Variants in TPR observed in about 807,000 individuals in gnomAD.
TPR encodes nucleoprotein TPR.
A neutral mutation model predicts 316.1 loss-of-function variants in TPR; 51 were observed. That is an observed-to-expected ratio of 0.16 (90% CI 0.13 to 0.20). TPR has a LOEUF of 0.20. Among genes scored for constraint, TPR ranks in the 10% least tolerant of loss-of-function variants. The pLI, the probability that TPR is intolerant of heterozygous loss-of-function variation, is 1.00. For missense variants in TPR, 2,272 were observed against 2,754.8 expected (o/e 0.82, Z 3.92); for synonymous variants, 981 against 914.7 (o/e 1.07, Z -1.31).
chr1:186,335,311 G>C (rs1452389675), intron 34 of TPR, 27 bp downstream of exon 34: 1 of 1,606,652 alleles, frequency 6.2e-7, no homozygotes, highest in Non-Finnish European at 8.5e-7. Context: ...AAAACAATTT[G>C]TTACTTAAGC....
chr1:186,358,707 T>C (rs761457968), intron 12 of TPR, 57 bp from the exon 13 acceptor site: 12 of 1,416,308 alleles, frequency 8.5e-6, no homozygotes, highest in East Asian at 2.3e-5. Context: ...TTTATACAAG[T>C]AATAAAGACA....
intron 25 of TPR, 57 bp from the exon 26 acceptor site, chr1:186,344,147 C>G: frequency 6.4e-7 from 1 of 1,552,474 alleles, no homozygotes; most frequent in Non-Finnish European, 8.7e-7. Flanking sequence ...TTAAAAAAAA[C>G]AACTTGGCCA....
chr1:186,361,972 A>C, intron 7 of TPR, 103 bp from the exon 8 acceptor site: 2 of 1,042,792 alleles, frequency 1.9e-6, no homozygotes, highest in Non-Finnish European at 2.8e-6. Flanking sequence ...TAAGAGCTAA[A>C]TCTAAAACAC....
At chr1:186,339,470 G>A (rs545895671) in intron 30 of TPR, among the ~76,000 whole-genome samples, 172 bp downstream of exon 30, 2 of 152,058 alleles carry the variant, frequency 1.3e-5, no homozygotes, top group South Asian at 2.1e-4. Flanking sequence ...ATATACAAAG[G>A]CATAATATTA....
At position 186,333,397 on chromosome 1, in the gene TPR, G is replaced by GA. The variant is rs765092287; in HGVS notation, c.5183-4dup. ...CACAGGCCCTTCTGACTGCATAGCTGAAAAATAATTATAATGCTGAATATA... is the reference window on the plus strand; with the variant it reads ...CACAGGCCCTTCTGACTGCATAGCTGAAAAAATAATTATAATGCTGAATATA... On this transcript the variant is annotated splice_region_variant and splice_polypyrimidine_tract_variant and intron_variant, in intron 36 of 50. Coordinates refer to ENST00000367478, the MANE Select transcript of TPR (RefSeq NM_003292.3). The GA allele has an allele frequency of 6.2e-7, 1 of 1,612,294 alleles. No individual in the cohort carries two copies.
intron 36 of TPR, 81 bp from the exon 37 acceptor site, chr1:186,333,475 G>A: frequency 6.5e-7 from 1 of 1,528,902 alleles, no homozygotes; most frequent in East Asian, 2.3e-5. Flanking sequence ...TGTGGTACAT[G>A]TCACCTTTCA....
In TPR at chr1:186,344,074, C is replaced by T; in HGVS notation, c.3434G>A (p.Cys1145Tyr). The T allele has an allele frequency of 6.2e-7, 1 of 1,613,024 alleles. No homozygotes were observed. Among genetic ancestry groups the T allele is most frequent in the Non-Finnish European group, 8.5e-7 (1 of 1,179,670 alleles). ...CTCCAGATCTTCACAGCGACATACA[C>T]ATTTGGAAACTTCATCCTGCAAGCC... ...ERMLKDEVSK[C>Y]VCRCEDLEKQ... is the part of the protein sequence containing the mutation. Residue 1145 changes from cysteine to tyrosine, a missense_variant, in exon 26 of 51, where the codon TGT becomes TAT. This residue lies in a region of TPR where 757 missense variants were observed against 859.8 expected (regional missense o/e 0.88). Transcript: ENST00000367478.
Position 186,331,485 on chromosome 1 carries a change from T to G in TPR, c.5688+13A>C. 1.3e-6 allele frequency: 2 copies of G among 1,591,934 alleles called. No homozygotes were observed. Among genetic ancestry groups the G allele is most frequent in the Non-Finnish European group, 1.7e-6 (2 of 1,164,952 alleles). On this transcript the variant is annotated intron_variant, in intron 39 of 50. Transcript: ENST00000367478. ...AAGCAACGGTGTGGTACTTTAGGTATGTTTTTACTTACTTCTCCAATGGAA... is the reference window on the plus strand; with the variant it reads ...AAGCAACGGTGTGGTACTTTAGGTAGGTTTTTACTTACTTCTCCAATGGAA...
chr1:186,370,440 A>G (rs1441049678), intron 3 of TPR, among the ~76,000 whole-genome samples: 1 of 152,108 alleles, frequency 6.6e-6, no homozygotes, highest in Non-Finnish European at 1.5e-5. Flanking sequence ...TAGGTATACT[A>G]CGAGGCTTTT....
chr1:186,353,709 A>C lies in TPR; in HGVS notation c.2313T>G (p.Asn771Lys), dbSNP rs764662080. The C allele has an allele frequency of 6.2e-7, 1 of 1,613,942 alleles. No homozygotes were observed. The highest frequency in any genetic ancestry group is 2.2e-5 in the East Asian group (1 of 44,848). The change falls in exon 18 of 51, where the codon AAT (asparagine) becomes AAG (lysine). Residue 771 changes from asparagine to lysine, a missense_variant. By Grantham distance (94) the Asn-to-Lys change is moderately conservative. Coordinates refer to ENST00000367478, the MANE Select transcript of TPR (RefSeq NM_003292.3). ...NTMTQDLRGA[N>K]EKLAVAEVRA... Reference sequence around the variant, plus strand: ...TCACTTCTGCGACAGCTAGCTTCTCATTTGCTCCTCTCAAATCTTGAGTCA... The same window carrying C: ...TCACTTCTGCGACAGCTAGCTTCTCCTTTGCTCCTCTCAAATCTTGAGTCA...
intron 30 of TPR, among the ~76,000 whole-genome samples, chr1:186,339,335 CA>C (rs1658435902): frequency 6.7e-6 from 1 of 149,388 alleles, no homozygotes; most frequent in African/African-American, 2.5e-5. Context: ...ATAAGCTAAC[CA>C]AAAGAAAAAA....
chr1:186,314,054 A>C (rs571551898), intron 50 of TPR, 28 bp from the exon 51 acceptor site: 3 of 1,600,068 alleles, frequency 1.9e-6, no homozygotes, highest in Non-Finnish European at 2.6e-6. Flanking sequence ...ATCAAATTGA[A>C]TATATCTTTT....
chr1:186,338,312 T>A, intron 30 of TPR, 69 bp from the exon 31 acceptor site: 1 of 1,281,532 alleles, frequency 7.8e-7, no homozygotes, highest in Non-Finnish European at 1.1e-6. Context: ...AAGTCCAATG[T>A]AACTTTATGT....
At chr1:186,331,794 T>C (rs1477897695) in intron 38 of TPR, among the ~76,000 whole-genome samples, 1 of 152,110 alleles carries the variant, frequency 6.6e-6, no homozygotes, top group Non-Finnish European at 1.5e-5. Context: ...CTAATACAAT[T>C]AATTTAGTAG....
At chr1:186,371,071 T>C (rs1317905303) in intron 2 of TPR, 28 bp from the exon 3 acceptor site, 7 of 1,573,054 alleles carry the variant, frequency 4.4e-6, no homozygotes, top group Non-Finnish European at 6.1e-6. Context: ...TATGAATACA[T>C]ACACATTTGC....
chr1:186,331,565 T>C lies in TPR; in HGVS notation c.5621A>G (p.Glu1874Gly). The C allele has an allele frequency of 1.9e-6, 3 of 1,608,314 alleles. No individual in the cohort carries two copies. Among genetic ancestry groups the C allele is most frequent in the Non-Finnish European group, 2.5e-6 (3 of 1,177,088 alleles). The change falls in exon 39 of 51, where the codon GAA becomes GGA. Residue 1874 changes from glutamate (E) to glycine (G), a missense_variant. Glu to Gly is a moderately conservative substitution (Grantham distance 98). This residue lies in a region of TPR where 435 missense variants were observed against 461.1 expected (regional missense o/e 0.94). Coordinates refer to ENST00000367478, the MANE Select transcript of TPR (RefSeq NM_003292.3). ...PVGTEEEVMAEESTDGEVETQ... is the reference protein window; with the variant it reads ...PVGTEEEVMAGESTDGEVETQ... ...CTCTACCTCTCCATCAGTACTTTCT[T>C]CTGCCATAACTTCTTCCTGTATCAT...
chr1:186,346,512 T>C (rs1284808570), intron 22 of TPR, among the ~76,000 whole-genome samples: 12 of 152,196 alleles, frequency 7.9e-5, no homozygotes, highest in Non-Finnish European at 1.8e-4. Flanking sequence ...ATTTTTCTCT[T>C]TTGAAATGAA....
chr1:186,319,918 C>A (rs971255392), intron 46 of TPR, among the ~76,000 whole-genome samples: 1 of 152,188 alleles, frequency 6.6e-6, no homozygotes, highest in South Asian at 2.1e-4. Flanking sequence ...TAGCCTTATA[C>A]ATTTAATTAG....
Position 186,347,281 on chromosome 1 carries a change from A to G in TPR, c.2943+11T>C, listed in dbSNP as rs1462259993. 6.2e-7 allele frequency: 1 copy of G among 1,612,394 alleles called. No individual in the cohort carries two copies. The highest frequency in any genetic ancestry group is 1.3e-5 in the African/African-American group (1 of 74,886). ...GTTGAGATTGAATTCTGAATTCAGA[A>G]TTATACATACCTGTTTTTCCTTGTT... On this transcript the variant is annotated intron_variant, in intron 22 of 50. Coordinates refer to ENST00000367478, the MANE Select transcript of TPR (RefSeq NM_003292.3).
Sources: allele counts gnomAD v4.1 joint callset (sites outside exome capture counted in the v4.1 genomes callset), GRCh38; gene constraint gnomAD v4.1.1; regional missense constraint gnomAD v4.1.1; transcripts MANE v1.5; gene names NCBI Gene and HGNC (gene_info 2026-07-23, HGNC 2026-07-21).